Variants in NCKAP5 observed in about 807,000 individuals in gnomAD.
NCKAP5 encodes nck-associated protein 5.
In NCKAP5, 92 loss-of-function variants were observed where a neutral mutation model predicts 167.0. The ratio of observed to expected loss-of-function variants is 0.55; its 90% CI spans 0.47 to 0.66. The LOEUF is 0.66. Among genes scored for constraint, NCKAP5 ranks in the 30% least tolerant of loss-of-function variants. The pLI, the probability that NCKAP5 is intolerant of heterozygous loss-of-function variation, is 0.00. For synonymous variants in NCKAP5, 891 were observed against 877.4 expected, an observed-to-expected ratio of 1.02 and a Z score of -0.27; for missense variants, 2,378 against 2,315.0, an observed-to-expected ratio of 1.03 and a Z score of -0.56.
intron 3 of NCKAP5, among the ~76,000 whole-genome samples, chr2:133,500,709 T>A (rs1354603177): frequency 1.4e-4 from 21 of 152,352 alleles, no homozygotes; most frequent in African/African-American, 4.8e-4. Flanking sequence ...AAATATCTCA[T>A]TTTTAGACAG....
At chr2:133,635,997 T>C in the NCKAP5 span, among the ~76,000 whole-genome samples, 13 of 152,340 alleles carry the variant, frequency 8.5e-5, no homozygotes, top group Non-Finnish European at 1.8e-4. Context: ...CTGATATTAA[T>C]GAATAATTTT....
At chr2:133,260,696 T>C (rs934219671) in intron 4 of NCKAP5, among the ~76,000 whole-genome samples, 2 of 152,180 alleles carry the variant, frequency 1.3e-5, no homozygotes, top group Non-Finnish European at 2.9e-5. Flanking sequence ...TAAAAAGAAC[T>C]GCACTACGAT....
intron 3 of NCKAP5, among the ~76,000 whole-genome samples, chr2:133,305,921 C>T (rs61620125): frequency 1.1e-4 from 16 of 151,970 alleles, no homozygotes; most frequent in South Asian, 6.2e-4. Context: ...AAATGGATTG[C>T]GAAAAGAGAC....
Position 133,326,738 on chromosome 2 carries a change from CAG to C in NCKAP5, c.70-23630_70-23629del, listed in dbSNP as rs1682481145. Reference sequence around the variant, plus strand: ...CCTGTTACAGCTTTGACGTCACTCTCAGAGCAGGATTTAATGATGACTCATCT... The same window carrying C: ...CCTGTTACAGCTTTGACGTCACTCTCAGCAGGATTTAATGATGACTCATCT... On this transcript the variant is annotated intron_variant, in intron 3 of 19. Transcript: ENST00000409261. 2.0e-5 allele frequency among the ~76,000 whole-genome samples: 3 copies of C among 152,292 alleles called. No homozygotes were observed. In the South Asian group the frequency reaches 6.2e-4, roughly 32 times the overall value.
chr2:133,308,630 C>T (rs980251049), intron 3 of NCKAP5, among the ~76,000 whole-genome samples: 6 of 148,882 alleles, frequency 4.0e-5, no homozygotes, highest in African/African-American at 1.5e-4. Flanking sequence ...GTCTTATTTT[C>T]CAAAACTATA....
intron 6 of NCKAP5, among the ~76,000 whole-genome samples, chr2:133,125,030 G>A (rs956340139): frequency 6.6e-6 from 1 of 152,026 alleles, no homozygotes; most frequent in African/African-American, 2.4e-5. Context: ...TGGGGAACCT[G>A]AGCCAGACCC....
intron 3 of NCKAP5, among the ~76,000 whole-genome samples, chr2:133,426,952 C>A (rs1164614963): frequency 1.3e-5 from 2 of 152,026 alleles, no homozygotes; most frequent in African/African-American, 4.8e-5. Context: ...TAGTGTAATG[C>A]AGTACAATGT....
chr2:133,461,740 G>T (rs1328878582), intron 3 of NCKAP5, among the ~76,000 whole-genome samples: 1 of 152,194 alleles, frequency 6.6e-6, no homozygotes, highest in Non-Finnish European at 1.5e-5. Context: ...ATTGCAAAGA[G>T]AACTGAGAAA....
chr2:133,318,798 G>A (rs1681805195), intron 3 of NCKAP5, among the ~76,000 whole-genome samples: 1 of 152,140 alleles, frequency 6.6e-6, no homozygotes, highest in South Asian at 2.1e-4. Context: ...CATGATGGTG[G>A]CTGGTATGCT....
At position 133,331,529 on chromosome 2, in the gene NCKAP5, G is replaced by A. The variant is rs555472597; in HGVS notation, c.70-28419C>T. 4.6e-5 allele frequency among the ~76,000 whole-genome samples: 7 copies of A among 152,286 alleles called. No homozygotes were observed. In the East Asian group the frequency reaches 7.7e-4, roughly 17 times the overall value. On this transcript the variant is annotated intron_variant, in intron 3 of 19. Coordinates refer to ENST00000409261, the MANE Select transcript of NCKAP5 (RefSeq NM_207363.3). ...TCCCGTTATGACTGAGAGCAGCAAC[G>A]TGTTCTGCTCCATGGTGGCAAATGA... is the stretch of plus-strand genomic sequence containing the variant.
intron 9 of NCKAP5, among the ~76,000 whole-genome samples, chr2:132,873,204 C>T (rs28419574): frequency 0.02 from 2,793 of 136,812 alleles, 77 homozygotes; most frequent in African/African-American, 0.074. Flanking sequence ...CCCGGGTTCA[C>T]GCCATTCTCC....
chr2:133,636,583 T>A, the NCKAP5 span, among the ~76,000 whole-genome samples: 1 of 152,172 alleles, frequency 6.6e-6, no homozygotes, highest in Non-Finnish European at 1.5e-5. Context: ...CTTCCAACAT[T>A]ATAACTGATA....
chr2:132,780,335 A>G (rs1024811911), intron 15 of NCKAP5, among the ~76,000 whole-genome samples: 2 of 152,164 alleles, frequency 1.3e-5, no homozygotes, highest in African/African-American at 4.8e-5. Context: ...GTATTTTAAT[A>G]GAGACGGGGT....
chr2:133,373,260 T>C lies in NCKAP5; in HGVS notation c.70-70150A>G, dbSNP rs193087273. On this transcript the variant is annotated intron_variant, in intron 3 of 19. Coordinates refer to ENST00000409261, the MANE Select transcript of NCKAP5 (RefSeq NM_207363.3). The stretch of plus-strand genomic sequence containing the variant: ...TTTTATTAGAGACAGGGTTTCACCA[T>C]GTTGGTCAGGCTGGTCTTGAACTCC... Among the ~76,000 whole-genome samples the C allele has an allele frequency of 7.0e-3, 1,069 of 152,198 alleles. 13 individuals are homozygous for C. Among genetic ancestry groups the C allele is most frequent in the Non-Finnish European group, 7.8e-3 (529 of 68,002 alleles).
At chr2:133,294,870 A>G (rs926537883) in intron 4 of NCKAP5, among the ~76,000 whole-genome samples, 2 of 152,100 alleles carry the variant, frequency 1.3e-5, no homozygotes, top group Admixed American at 6.5e-5. Context: ...TTTTTTTGCT[A>G]GAAGGGATGA....
chr2:133,267,504 G>A (rs1160150113), intron 4 of NCKAP5: 1 of 152,194 alleles, frequency 6.6e-6, no homozygotes, highest in African/African-American at 2.4e-5. Flanking sequence ...GCTCTTGGGG[G>A]GGAGAACGGC....
chr2:133,220,274 G>C (rs557146784), intron 4 of NCKAP5, among the ~76,000 whole-genome samples: 1 of 152,106 alleles, frequency 6.6e-6, no homozygotes, highest in East Asian at 1.9e-4. Flanking sequence ...AAATGCACAG[G>C]GATATTTTAT....
chr2:133,003,715 C>G (rs1040802383), intron 6 of NCKAP5, among the ~76,000 whole-genome samples: 4 of 152,180 alleles, frequency 2.6e-5, no homozygotes, highest in African/African-American at 9.7e-5. Flanking sequence ...TAATTCAGCA[C>G]AAATTTTGCA....
At chr2:133,212,117 C>T (rs771690636) in intron 5 of NCKAP5, among the ~76,000 whole-genome samples, 4 of 152,196 alleles carry the variant, frequency 2.6e-5, no homozygotes, top group Non-Finnish European at 5.9e-5. Context: ...AAAATTCCCA[C>T]CTTCCCATTT....
Sources: gnomAD v4.1 joint callset for allele counts (sites outside exome capture counted in the v4.1 genomes callset) on GRCh38, gnomAD v4.1.1 for gene constraint, MANE v1.5 for transcripts, NCBI Gene and HGNC (gene_info 2026-07-23, HGNC 2026-07-21) for gene names.